The following ATP10B variants were observed in gnomAD, a reference collection of about 807,000 sequenced individuals.
The protein encoded by ATP10B is ATPase phospholipid transporting 10B (putative), also known as phospholipid-transporting ATPase VB.
In ATP10B, 122 loss-of-function variants were observed where a neutral mutation model predicts 141.2. The ratio of observed to expected loss-of-function variants is 0.86; its 90% CI spans 0.75 to 1.00. The LOEUF (loss-of-function observed/expected upper bound fraction) is 1.00, where lower values mean the gene tolerates loss of function less well. ATP10B is among the 50% of genes least tolerant of loss of function. ATP10B has a pLI of 0.00. For synonymous variants in ATP10B, 685 were observed against 692.0 expected, an observed-to-expected ratio of 0.99 and a Z score of 0.16; for missense variants, 1,876 against 1,825.3, an observed-to-expected ratio of 1.03 and a Z score of -0.51.
rs571340338 is a variant in ATP10B at position 160,828,399 on chromosome 5, C to T, written c.-576+23542G>A. On this transcript the variant is annotated intron_variant, in intron 1 of 25. Coordinates refer to ENST00000327245, the MANE Select transcript of ATP10B (RefSeq NM_025153.3). ...ACCCCATCAAAAAGTGGGCGAAGGA[C>T]ATGAACAGACACCTCTCAAAAGAAG... Among the ~76,000 whole-genome samples, 326 of 151,264 alleles carry T rather than the reference C, an allele frequency of 2.2e-3. 2 individuals are homozygous for T. Among genetic ancestry groups the T allele is most frequent in the African/African-American group, 7.5e-3 (303 of 40,622 alleles).
chr5:160,582,606 A>G (rs1755626296), intron 24 of ATP10B, among the ~76,000 whole-genome samples: 1 of 151,750 alleles, frequency 6.6e-6, no homozygotes, highest in South Asian at 2.1e-4. Flanking sequence ...GGTGAATCTG[A>G]CAATTATGTG....
the ATP10B span, among the ~76,000 whole-genome samples, chr5:160,871,313 A>T: frequency 2.6e-5 from 4 of 152,156 alleles, no homozygotes; most frequent in South Asian, 8.3e-4. Context: ...AATTAGAATA[A>T]TTTTTACTCA....
chr5:160,621,423 C>A (rs75739786), intron 14 of ATP10B, among the ~76,000 whole-genome samples: 2,083 of 152,060 alleles, frequency 0.014, 44 homozygotes, highest in African/African-American at 0.048. Flanking sequence ...TACCTGCCAG[C>A]TGAAGCTCCC....
intron 3 of ATP10B, among the ~76,000 whole-genome samples, chr5:160,693,914 T>C (rs116533392): frequency 0.017 from 2,656 of 152,236 alleles, 78 homozygotes; most frequent in African/African-American, 0.057. Flanking sequence ...TATGGGCCCG[T>C]GGCCCAGGGA....
intron 10 of ATP10B, among the ~76,000 whole-genome samples, chr5:160,638,205 G>T (rs1243867470): frequency 6.6e-6 from 1 of 152,150 alleles, no homozygotes; most frequent in Non-Finnish European, 1.5e-5. Flanking sequence ...TCCTGTGTAT[G>T]AGTTGTTAAT....
At chr5:160,817,008 T>C (rs980193816) in intron 1 of ATP10B, among the ~76,000 whole-genome samples, 1 of 152,158 alleles carries the variant, frequency 6.6e-6, no homozygotes, top group Non-Finnish European at 1.5e-5. Flanking sequence ...TATATCAAAA[T>C]GATAAAAGCT....
intron 3 of ATP10B, among the ~76,000 whole-genome samples, chr5:160,702,032 C>CT (rs1561769787): frequency 1.3e-5 from 2 of 151,450 alleles, no homozygotes; most frequent in Non-Finnish European, 3.0e-5. Context: ...AGTTGCCACT[C>CT]TAACCCCCAG....
chr5:160,828,875 C>T (rs2127973609), intron 1 of ATP10B, among the ~76,000 whole-genome samples: 1 of 149,426 alleles, frequency 6.7e-6, no homozygotes, highest in South Asian at 2.2e-4. Flanking sequence ...TACTATGCAG[C>T]CATAAAAAAT....
the ATP10B span, among the ~76,000 whole-genome samples, chr5:160,861,104 A>G: frequency 6.6e-6 from 1 of 151,728 alleles, no homozygotes; most frequent in Non-Finnish European, 1.5e-5. Context: ...CTGATGTGTA[A>G]TTTTGCTTAA....
At chr5:160,805,911 G>C (rs1323092443) in intron 1 of ATP10B, among the ~76,000 whole-genome samples, 1 of 152,190 alleles carries the variant, frequency 6.6e-6, no homozygotes, top group Non-Finnish European at 1.5e-5. Flanking sequence ...TCTGTCATCT[G>C]CAAGCTGGAG....
At chr5:160,679,389 C>G (rs1246660371) in intron 6 of ATP10B, among the ~76,000 whole-genome samples, 1 of 152,220 alleles carries the variant, frequency 6.6e-6, no homozygotes, top group Non-Finnish European at 1.5e-5. Flanking sequence ...CTTTCTAATA[C>G]CAGCATAAGC....
chr5:160,871,759 C>T, the ATP10B span, among the ~76,000 whole-genome samples: 2 of 152,102 alleles, frequency 1.3e-5, no homozygotes, highest in African/African-American at 4.8e-5. Flanking sequence ...TGTCTTTATT[C>T]ACTCATTGAT....
Position 160,565,770 on chromosome 5 carries a change from G to A in ATP10B, c.4069C>T (p.Pro1357Ser). 6.2e-7 allele frequency: 1 copy of A among 1,614,052 alleles called. No individual in the cohort carries two copies. The highest frequency in any genetic ancestry group is 8.5e-7 in the Non-Finnish European group (1 of 1,179,962). Residue 1357 changes from proline to serine, a missense_variant, in exon 26 of 26, where the codon CCT becomes TCT. By Grantham distance (74) the Pro-to-Ser change is moderately conservative. Coordinates refer to ENST00000327245, the MANE Select transcript of ATP10B (RefSeq NM_025153.3). ...GTTGGTCGAGCCACTTCGGGGACAG[G>A]GGCAGGCCTCTGTCTGCTTCTCCAA... is the stretch of plus-strand genomic sequence containing the variant. ...QSWRSRQRPA[P>S]VPEVARPTHH...
At chr5:160,587,885 C>T (rs984690173) in intron 24 of ATP10B, among the ~76,000 whole-genome samples, 1 of 152,220 alleles carries the variant, frequency 6.6e-6, no homozygotes. Flanking sequence ...ATAGCCCAGG[C>T]TGGAGTGCAA....
chr5:160,912,685 A>C, the ATP10B span, among the ~76,000 whole-genome samples: 5 of 151,690 alleles, frequency 3.3e-5, no homozygotes, highest in African/African-American at 1.2e-4. Flanking sequence ...AAAGAAAAGG[A>C]GAAAAAAGAA....
intron 3 of ATP10B, among the ~76,000 whole-genome samples, chr5:160,700,543 A>G (rs947746980): frequency 1.3e-5 from 2 of 152,228 alleles, no homozygotes; most frequent in African/African-American, 4.8e-5. Flanking sequence ...CTCACAGCAC[A>G]TAATTGCTAA....
At chr5:160,808,249 A>C (rs562979305) in intron 1 of ATP10B, among the ~76,000 whole-genome samples, 10 of 152,342 alleles carry the variant, frequency 6.6e-5, no homozygotes, top group Admixed American at 4.6e-4. Context: ...GAAAAAAAGA[A>C]GACTTTGGAG....
rs565705009 is a variant in ATP10B at position 160,817,901 on chromosome 5, C to G, written c.-575-32098G>C. On this transcript the variant is annotated intron_variant, in intron 1 of 25. Transcript: ENST00000327245. ...CTGACAAAAACAAGAAATGCAGAAA[C>G]GATTCCCTATTTAATAAATGGTGCT... is the stretch of plus-strand genomic sequence containing the variant. Among the ~76,000 whole-genome samples, 9 of 152,200 alleles carry G rather than the reference C, an allele frequency of 5.9e-5. No individual in the cohort carries two copies. The South Asian group carries it at 1.5e-3, about 25-fold the overall frequency.
chr5:160,797,037 A>G lies in ATP10B; in HGVS notation c.-575-11234T>C, dbSNP rs537874742. ...CTGTTCCAGCTGCTTGGGGGCACCCAAGGGTGGACAGCAAAATCTCCCCCT... is the reference window on the plus strand; with the variant it reads ...CTGTTCCAGCTGCTTGGGGGCACCCGAGGGTGGACAGCAAAATCTCCCCCT... On this transcript the variant is annotated intron_variant, in intron 1 of 25. Transcript: ENST00000327245. 3.9e-5 allele frequency among the ~76,000 whole-genome samples: 6 copies of G among 152,278 alleles called. No homozygotes were observed. In the South Asian group the frequency reaches 6.2e-4, roughly 16 times the overall value.
Sources: gnomAD v4.1 joint callset for allele counts (sites outside exome capture counted in the v4.1 genomes callset) on GRCh38, gnomAD v4.1.1 for gene constraint, MANE v1.5 for transcripts, NCBI Gene and HGNC (gene_info 2026-07-23, HGNC 2026-07-21) for gene names.